The following ACSS3 variants were observed in gnomAD, a reference collection of about 807,000 sequenced individuals.
ACSS3 encodes acyl-CoA synthetase short chain family member 3.
ACSS3 carries 64 observed loss-of-function variants against 84.2 expected under a neutral mutation model. That is an observed-to-expected ratio of 0.76 (90% CI 0.62 to 0.94). ACSS3 has a LOEUF of 0.94. Ranked by LOEUF, ACSS3 falls within the 40% of genes least tolerant of loss-of-function variation. The pLI is 0.00. For synonymous variants in ACSS3, 317 were observed against 310.1 expected (o/e 1.02, Z -0.23); for missense variants, 815 against 867.6 (o/e 0.94, Z 0.76).
At chr12:81,157,090 T>A (rs1019119082) in intron 7 of ACSS3, among the ~76,000 whole-genome samples, 1 of 152,150 alleles carries the variant, frequency 6.6e-6, no homozygotes, top group South Asian at 2.1e-4. Flanking sequence ...ATACAAGAAT[T>A]CTTGACAAAA....
chr12:81,215,447 G>A (rs990723211), intron 9 of ACSS3, among the ~76,000 whole-genome samples: 18 of 152,196 alleles, frequency 1.2e-4, no homozygotes, highest in Non-Finnish European at 2.2e-4. Flanking sequence ...TCCATAAAAT[G>A]TGAATAATAA....
At chr12:81,203,859 G>A (rs1001950534) in intron 9 of ACSS3, among the ~76,000 whole-genome samples, 2 of 152,052 alleles carry the variant, frequency 1.3e-5, no homozygotes, top group East Asian at 3.9e-4. Flanking sequence ...AAAACATCTG[G>A]ATTATTGACT....
chr12:81,237,215 A>G (rs899735258), intron 13 of ACSS3, among the ~76,000 whole-genome samples: 4 of 151,490 alleles, frequency 2.6e-5, no homozygotes, highest in African/African-American at 9.7e-5. Flanking sequence ...CAATCTCCCC[A>G]GCTTCTTGGG....
At position 81,256,878 on chromosome 12, in the gene ACSS3, T is replaced by C. The variant is rs1272256808; in HGVS notation, c.*1956T>C. On this transcript the variant is annotated 3_prime_UTR_variant, in exon 16 of 16. Transcript: ENST00000548058. ...AACCAGCTACATAGACACTCTCTCA[T>C]TTGAAGCTGTTGGGATCCTTGAGTT... 1 of 152,182 alleles carries C rather than the reference T, an allele frequency of 6.6e-6. No individual in the cohort carries two copies. Among genetic ancestry groups the C allele is most frequent in the African/African-American group, 2.4e-5 (1 of 41,458 alleles). The allele number at this position is 152,182 out of a possible 1,614,324, so 9.4% of individuals were successfully genotyped here.
intron 13 of ACSS3, 62 bp downstream of exon 13, chr12:81,233,533 C>A (rs1231057403): frequency 1.4e-5 from 22 of 1,580,928 alleles, no homozygotes; most frequent in Non-Finnish European, 8.6e-7. Flanking sequence ...GCACTGAAGA[C>A]AATATTGAGG....
chr12:81,254,857 A>T lies in ACSS3; in HGVS notation c.1996A>T (p.Ile666Leu), dbSNP rs374889093. 4.2e-5 allele frequency: 68 copies of T among 1,603,172 alleles called. No individual in the cohort carries two copies. The highest frequency in any genetic ancestry group is 5.6e-5 in the Non-Finnish European group (66 of 1,175,742). ...CACCTGACCCTAATTTTTTTTCCAG[A>T]TAACTTCTACAATTGAAGACCCCAG... The part of the protein sequence containing the change: ...SAIVNGKPYK[I>L]TSTIEDPSIF... Residue 666 changes from isoleucine (I) to leucine (L), a missense_variant and splice_region_variant, in exon 16 of 16, where the codon ATA (isoleucine) becomes TTA (leucine). Coordinates refer to ENST00000548058, the MANE Select transcript of ACSS3 (RefSeq NM_024560.4).
chr12:81,183,347 G>C (rs1194978598), intron 8 of ACSS3, among the ~76,000 whole-genome samples: 1 of 152,068 alleles, frequency 6.6e-6, no homozygotes, highest in African/African-American at 2.4e-5. Context: ...AGGAATCAAA[G>C]CTTAGCACTA....
At chr12:81,230,935 G>A in intron 11 of ACSS3, 122 bp from the exon 12 acceptor site, 1 of 772,044 alleles carries the variant, frequency 1.3e-6, no homozygotes, top group South Asian at 1.6e-5. Context: ...AGATTTAGGG[G>A]TTATATTTCA....
intron 11 of ACSS3, among the ~76,000 whole-genome samples, chr12:81,228,481 C>T (rs765975406): frequency 2.0e-5 from 3 of 151,716 alleles, no homozygotes; most frequent in African/African-American, 4.8e-5. Flanking sequence ...TTCTGGGAGA[C>T]GACGTATGCT....
intron 1 of ACSS3, among the ~76,000 whole-genome samples, chr12:81,086,674 T>A (rs192559739): frequency 3.3e-5 from 5 of 152,280 alleles, no homozygotes; most frequent in Non-Finnish European, 5.9e-5. Flanking sequence ...TAGTATTAGT[T>A]GAAAGGACAA....
chr12:81,256,322 A>C lies in ACSS3; in HGVS notation c.*1400A>C, dbSNP rs1208777162. 6.6e-6 allele frequency: 1 copy of C among 152,196 alleles called. No homozygotes were observed. Among genetic ancestry groups the C allele is most frequent in the South Asian group, 2.1e-4 (1 of 4,830 alleles). 9.4% of individuals were successfully genotyped at this position (152,196 alleles called of 1,614,324 possible). On this transcript the variant is annotated 3_prime_UTR_variant, in exon 16 of 16. Transcript: ENST00000548058. ...CATTAAAAATATTGTAATGTCCAAA[A>C]GTATCTTTCCATTTAACTTCTAAAA... is the stretch of plus-strand genomic sequence containing the variant.
At chr12:81,213,932 C>CCTTCCTTCCTTT (rs1189369982) in intron 9 of ACSS3, among the ~76,000 whole-genome samples, 892 of 76,640 alleles carry the variant, frequency 0.012, 57 homozygotes, top group Admixed American at 0.014. Context: ...TTCCTTCCTT[C>CCTTCCTTCCTTT]CTTTCTCTCT....
In ACSS3 at chr12:81,259,812, G is replaced by T. The variant is rs193207296; in HGVS notation, c.*4890G>T. 1 of 518,938 alleles carries T rather than the reference G, an allele frequency of 1.9e-6. No individual in the cohort carries two copies. Among genetic ancestry groups the T allele is most frequent in the Non-Finnish European group, 3.3e-6 (1 of 306,362 alleles). The allele number at this position is 518,938 out of a possible 1,614,324, so 32.1% of individuals were successfully genotyped here. On this transcript the variant is annotated 3_prime_UTR_variant, in exon 16 of 16. Coordinates refer to ENST00000548058, the MANE Select transcript of ACSS3 (RefSeq NM_024560.4). ...ATCATCTAGGATGTAGCCAACAGCC[G>T]TATGTAATTAACATTTGCTTTTCTC...
chr12:81,228,240 C>T (rs1036499987), intron 11 of ACSS3, among the ~76,000 whole-genome samples: 1 of 151,788 alleles, frequency 6.6e-6, no homozygotes, highest in Non-Finnish European at 1.5e-5. Context: ...CAGACAAGTT[C>T]TACGTTAAAT....
At chr12:81,199,617 T>G (rs535031609) in intron 9 of ACSS3, 173 bp downstream of exon 9, 1 of 1,496,364 alleles carries the variant, frequency 6.7e-7, no homozygotes, top group Non-Finnish European at 8.9e-7. Context: ...ATTAATAATG[T>G]CTTCATAAGT....
At chr12:81,122,307 G>A (rs1884692002) in intron 2 of ACSS3, among the ~76,000 whole-genome samples, 2 of 151,830 alleles carry the variant, frequency 1.3e-5, no homozygotes, top group African/African-American at 4.8e-5. Flanking sequence ...TGGGCCCTGA[G>A]AATATCTCTA....
At chr12:81,080,014 C>T (rs997141026) in intron 1 of ACSS3, among the ~76,000 whole-genome samples, 2 of 152,198 alleles carry the variant, frequency 1.3e-5, no homozygotes, top group African/African-American at 4.8e-5. Flanking sequence ...TATTGCATCA[C>T]TGTTTCTCAA....
chr12:81,178,318 A>G (rs1338084370), intron 8 of ACSS3, among the ~76,000 whole-genome samples: 1 of 138,338 alleles, frequency 7.2e-6, no homozygotes, highest in African/African-American at 2.6e-5. Flanking sequence ...CTGTTGTGGG[A>G]TGGGGGGAGG....
intron 9 of ACSS3, among the ~76,000 whole-genome samples, chr12:81,201,844 A>C (rs1808695999): frequency 6.6e-6 from 1 of 152,186 alleles, no homozygotes; most frequent in Admixed American, 6.5e-5. Context: ...TCGCTAGATT[A>C]TTTTGTGCTT....
Sources: allele counts gnomAD v4.1 joint callset (sites outside exome capture counted in the v4.1 genomes callset), GRCh38; gene constraint gnomAD v4.1.1; transcripts MANE v1.5; gene names NCBI Gene and HGNC (gene_info 2026-07-23, HGNC 2026-07-21).